Variants in IL4R observed in about 807,000 individuals in gnomAD.
The protein encoded by IL4R is interleukin-4 receptor subunit alpha.
A neutral mutation model predicts 41.5 loss-of-function variants in IL4R; 17 were observed. The observed-to-expected ratio is 0.41, with a 90% confidence interval of 0.28 to 0.61. IL4R has a LOEUF of 0.61. Among genes scored for constraint, IL4R ranks in the 20% least tolerant of loss-of-function variants. The pLI is 0.31. For missense variants in IL4R, 974 were observed against 1,043.1 expected (o/e 0.93, Z 0.91); for synonymous variants, 402 against 422.9 (o/e 0.95, Z 0.61).
chr16:27,334,370 C>T (rs2085195666), intron 2 of IL4R: 1 of 152,202 alleles, frequency 6.6e-6, no homozygotes, highest in South Asian at 2.1e-4. Flanking sequence ...AGCACCCACA[C>T]ATCCCTGAGA....
chr16:27,333,887 T>C (rs1182237709), intron 2 of IL4R, among the ~76,000 whole-genome samples: 3 of 129,314 alleles, frequency 2.3e-5, no homozygotes, highest in Non-Finnish European at 4.9e-5. Context: ...TTCAGGAATC[T>C]CTTTTTTTTT....
At chr16:27,349,172 T>C (rs113436481) in intron 6 of IL4R, among the ~76,000 whole-genome samples, 7 of 152,292 alleles carry the variant, frequency 4.6e-5, no homozygotes, top group African/African-American at 7.2e-5. Flanking sequence ...GGTGATGGGA[T>C]TGGCACAATT....
intron 1 of IL4R, among the ~76,000 whole-genome samples, chr16:27,314,729 A>G (rs186779251): frequency 1.5e-3 from 225 of 152,236 alleles, no homozygotes; most frequent in Non-Finnish European, 1.5e-3. Context: ...CCATCTCTCA[A>G]TCACGTTTGA....
Position 27,363,953 on chromosome 16 carries a change from A to G in IL4R, c.*123A>G. 2 of 1,177,638 alleles carry G rather than the reference A, an allele frequency of 1.7e-6. No individual in the cohort carries two copies. The allele number at this position is 1,177,638 out of a possible 1,614,324, so 72.9% of individuals were successfully genotyped here. A position where few individuals can be genotyped will look rare whatever the true frequency, so the allele number is the denominator to read the frequency against. On this transcript the variant is annotated 3_prime_UTR_variant, in exon 11 of 11. Coordinates refer to ENST00000395762, the MANE Select transcript of IL4R (RefSeq NM_000418.4). ...TCCAAAAGACTTGAAGAACCATGGT[A>G]TGAAGGTGATTGGCCCCACTGACGT...
intron 2 of IL4R, among the ~76,000 whole-genome samples, chr16:27,333,684 G>A (rs1436868033): frequency 6.6e-6 from 1 of 152,066 alleles, no homozygotes; most frequent in African/African-American, 2.4e-5. Context: ...ACAAAGCCTT[G>A]ACTCAACATA....
In IL4R at chr16:27,358,865, G is replaced by A. The variant is rs368432760; in HGVS notation, c.771-51G>A. 26 of 1,388,202 alleles carry A rather than the reference G, an allele frequency of 1.9e-5. 1 individual carries two copies. In the Admixed American group the frequency reaches 2.4e-4, roughly 13 times the overall value. The allele number at this position is 1,388,202 out of a possible 1,614,324, so 86.0% of individuals were successfully genotyped here. ...TAACGACCACTTTTATGGGAGGAGC[G>A]TTCACCTGTCAATAATTCAGAGATC... On this transcript the variant is annotated intron_variant, in intron 8 of 10. Coordinates refer to ENST00000395762, the MANE Select transcript of IL4R (RefSeq NM_000418.4).
rs1273255220 is a variant in IL4R, at chr16:27,352,613, C to T, written c.587C>T (p.Ser196Phe). Reference sequence around the variant, plus strand: ...GCCAGCACCCTGAAGTCTGGGATTTCCTACAGGGCACGGGTGAGGGCCTGG... The same window carrying T: ...GCCAGCACCCTGAAGTCTGGGATTTTCTACAGGGCACGGGTGAGGGCCTGG... ...IAASTLKSGI[S>F]YRARVRAWAQ... Residue 196 changes from serine (S) to phenylalanine (F), a missense_variant, in exon 7 of 11, where the codon TCC becomes TTC. Physicochemically the swap from Ser to Phe is radical, Grantham distance 155 (BLOSUM62 -2). Transcript: ENST00000395762. 6.2e-7 allele frequency: 1 copy of T among 1,614,022 alleles called. No individual in the cohort carries two copies. The highest frequency in any genetic ancestry group is 8.5e-7 in the Non-Finnish European group (1 of 1,179,972).
chr16:27,352,945 C>T (rs1231182799), intron 7 of IL4R, among the ~76,000 whole-genome samples: 2 of 152,180 alleles, frequency 1.3e-5, no homozygotes, highest in Non-Finnish European at 2.9e-5. Flanking sequence ...AACAAGCTAA[C>T]GTGAATGTTG....
At chr16:27,346,031 T>C (rs535321013) in intron 5 of IL4R, among the ~76,000 whole-genome samples, 2 of 151,864 alleles carry the variant, frequency 1.3e-5, no homozygotes, top group Non-Finnish European at 1.5e-5. Flanking sequence ...TTTGGGTTAC[T>C]TTGGCTCATA....
intron 1 of IL4R, among the ~76,000 whole-genome samples, chr16:27,328,190 A>G (rs116399732): frequency 0.021 from 2,756 of 131,200 alleles, 84 homozygotes; most frequent in African/African-American, 0.073. Flanking sequence ...CTGGTGACAA[A>G]GCTAGGCTCC....
intron 1 of IL4R, among the ~76,000 whole-genome samples, chr16:27,325,438 GT>G (rs1596761727): frequency 6.6e-6 from 1 of 152,050 alleles, no homozygotes; most frequent in East Asian, 1.9e-4. Flanking sequence ...GCTGGGCGTT[GT>G]TGTGGGCACC....
intron 8 of IL4R, among the ~76,000 whole-genome samples, chr16:27,357,486 CAG>C (rs1465249567): frequency 1.3e-5 from 2 of 152,236 alleles, no homozygotes; most frequent in Non-Finnish European, 2.9e-5. Context: ...TTTTTTGGGA[CAG>C]AGTGGAGTCT....
intron 10 of IL4R, among the ~76,000 whole-genome samples, chr16:27,361,760 A>G (rs1012962039): frequency 6.6e-6 from 1 of 151,574 alleles, no homozygotes; most frequent in Non-Finnish European, 1.5e-5. Context: ...ATACACCAAC[A>G]TGCCCAGCTA....
chr16:27,327,486 C>T (rs1596768864), intron 1 of IL4R, among the ~76,000 whole-genome samples: 1 of 152,154 alleles, frequency 6.6e-6, no homozygotes, highest in African/African-American at 2.4e-5. Flanking sequence ...CAGGCCCATG[C>T]TTCTGCTCAT....
At chr16:27,359,092 A>G in intron 9 of IL4R, 98 bp downstream of exon 9, 1 of 884,218 alleles carries the variant, frequency 1.1e-6, no homozygotes, top group Non-Finnish European at 1.8e-6. Flanking sequence ...GGCTTCTGGA[A>G]TGGCAAATAG....
At chr16:27,343,152 G>A (rs1377340056) in intron 4 of IL4R, among the ~76,000 whole-genome samples, 3 of 152,278 alleles carry the variant, frequency 2.0e-5, no homozygotes, top group East Asian at 1.9e-4. Context: ...ACATAATCAC[G>A]TACACAAGAC....
Position 27,362,861 on chromosome 16 carries a change from C to G in IL4R, c.1509C>G (p.Ser503=). 1 of 1,614,182 alleles carries G rather than the reference C, an allele frequency of 6.2e-7. No homozygotes were observed. Among genetic ancestry groups the G allele is most frequent in the Non-Finnish European group, 8.5e-7 (1 of 1,180,046 alleles). Residue 503 remains serine, a synonymous_variant, in exon 11 of 11, where the codon TCC becomes TCG. Coordinates refer to ENST00000395762, the MANE Select transcript of IL4R (RefSeq NM_000418.4). ...CTGCTTACCGCAGCTTCAGCAACTCCCTGAGCCAGTCACCGTGTCCCAGAG... is the reference window on the plus strand; with the variant it reads ...CTGCTTACCGCAGCTTCAGCAACTCGCTGAGCCAGTCACCGTGTCCCAGAG... ...GNPAYRSFSN[S]LSQSPCPREL...
chr16:27,352,662 G>C lies in IL4R; in HGVS notation c.636G>C (p.Trp212Cys). Residue 212 changes from tryptophan to cysteine, a missense_variant, in exon 7 of 11, where the codon TGG (tryptophan) becomes TGC (cysteine). This residue lies in a region of IL4R where 284 missense variants were observed against 313.4 expected (regional missense o/e 0.91). Transcript: ENST00000395762. ...RAWAQCYNTT[W>C]SEWSPSTKWH... ...GGGCTCAGTGCTATAACACCACCTG[G>C]AGTGAGTGGAGCCCCAGCACCAAGT... The C allele has an allele frequency of 6.2e-7, 1 of 1,614,180 alleles. No individual in the cohort carries two copies. The highest frequency in any genetic ancestry group is 8.5e-7 in the Non-Finnish European group (1 of 1,180,022).
At chr16:27,338,765 G>A (rs975041091) in intron 2 of IL4R, among the ~76,000 whole-genome samples, 8 of 152,090 alleles carry the variant, frequency 5.3e-5, no homozygotes, top group African/African-American at 1.9e-4. Context: ...CGTCCGTGAG[G>A]AATGGGCTCT....
Sources: allele counts gnomAD v4.1 joint callset (sites outside exome capture counted in the v4.1 genomes callset), GRCh38; gene constraint gnomAD v4.1.1; regional missense constraint gnomAD v4.1.1; transcripts MANE v1.5; gene names NCBI Gene and HGNC (gene_info 2026-07-23, HGNC 2026-07-21).